Variants in APBB1IP observed in about 807,000 individuals in gnomAD.
APBB1IP encodes the protein amyloid beta precursor protein binding family B member 1 interacting protein.
In APBB1IP, 27 loss-of-function variants were observed where a neutral mutation model predicts 64.9. That is an observed-to-expected ratio of 0.42 (90% confidence interval 0.31 to 0.57). The LOEUF (loss-of-function observed/expected upper bound fraction) is 0.57, where lower values mean the gene tolerates loss of function less well. APBB1IP is among the 20% of genes least tolerant of loss of function. The probability of loss-of-function intolerance (pLI) is 0.20; values close to 1 mark genes in which losing one functional copy is unlikely to be tolerated. For missense variants in APBB1IP, 812 were observed against 845.5 expected (o/e 0.96, Z 0.49); for synonymous variants, 392 against 331.0 (o/e 1.18, Z -2.00).
intron 8 of APBB1IP, among the ~76,000 whole-genome samples, chr10:26,530,583 G>A (rs947134434): frequency 7.2e-5 from 11 of 151,874 alleles, no homozygotes; most frequent in African/African-American, 2.4e-4. Context: ...CCAGCTACTC[G>A]GGAGGCTGAG....
At chr10:26,440,993 C>T (rs1260336068) in intron 2 of APBB1IP, among the ~76,000 whole-genome samples, 2 of 152,112 alleles carry the variant, frequency 1.3e-5, no homozygotes, top group African/African-American at 2.4e-5. Context: ...AAATTGTCTG[C>T]GTTCCATAGC....
rs1836931685 is a variant in APBB1IP, at chr10:26,558,948, C to A, written c.1156-1157C>A. On this transcript the variant is annotated intron_variant, in intron 11 of 14. Coordinates refer to ENST00000376236, the MANE Select transcript of APBB1IP (RefSeq NM_019043.4). ...TGCTACTTGCACTAAGTGTAATAGA[C>A]AGAAATATTCCTTCTCCAGGGTGTC... 2.6e-5 allele frequency among the ~76,000 whole-genome samples: 4 copies of A among 152,150 alleles called. No individual in the cohort carries two copies. In the South Asian group the frequency reaches 8.3e-4, roughly 31 times the overall value.
intron 6 of APBB1IP, chr10:26,509,617 T>C (rs1476012387): frequency 6.6e-6 from 1 of 152,220 alleles, no homozygotes; most frequent in African/African-American, 2.4e-5. Context: ...CTGGTTGTAC[T>C]CTATCTCATC....
intron 11 of APBB1IP, among the ~76,000 whole-genome samples, chr10:26,555,992 C>T (rs1370534628): frequency 6.6e-6 from 1 of 152,160 alleles, no homozygotes; most frequent in Non-Finnish European, 1.5e-5. Flanking sequence ...CTTTCACTAC[C>T]TTTGGCCTTG....
At chr10:26,542,214 T>C (rs1281148343) in intron 11 of APBB1IP, among the ~76,000 whole-genome samples, 1 of 152,226 alleles carries the variant, frequency 6.6e-6, no homozygotes, top group Non-Finnish European at 1.5e-5. Flanking sequence ...TGGAGTGCAG[T>C]GGCTCAATCA....
chr10:26,519,544 G>C (rs1003000840), intron 8 of APBB1IP, among the ~76,000 whole-genome samples: 1 of 152,192 alleles, frequency 6.6e-6, no homozygotes, highest in Non-Finnish European at 1.5e-5. Context: ...GTGCTAAACT[G>C]TTAGAAATTG....
chr10:26,451,631 A>G (rs1361194518), intron 2 of APBB1IP, among the ~76,000 whole-genome samples: 1 of 152,136 alleles, frequency 6.6e-6, no homozygotes, highest in Non-Finnish European at 1.5e-5. Context: ...ATTACCTTAA[A>G]CCCTTTTTCA....
At position 26,503,289 on chromosome 10, in the gene APBB1IP, C is replaced by CCTTTTGCATGGGGGCAGTTCAATTAAGGA; in HGVS notation, c.531+17_531+45dup. The stretch of plus-strand genomic sequence containing the variant: ...AGGTTAAGAAGGTGAATCATGAATC[C>CCTTTTGCATGGGGGCAGTTCAATTAAGGA]CTTTTGCATGGGGGCAGTTCAATTA... On this transcript the variant is annotated intron_variant, in intron 6 of 14. Coordinates refer to ENST00000376236, the MANE Select transcript of APBB1IP (RefSeq NM_019043.4). 1.9e-6 allele frequency: 3 copies of CCTTTTGCATGGGGGCAGTTCAATTAAGGA among 1,613,424 alleles called. No individual in the cohort carries two copies. The highest frequency in any genetic ancestry group is 2.7e-5 in the African/African-American group (2 of 75,000).
At chr10:26,544,397 A>G (rs1231579180) in intron 11 of APBB1IP, among the ~76,000 whole-genome samples, 2 of 152,194 alleles carry the variant, frequency 1.3e-5, no homozygotes, top group Non-Finnish European at 2.9e-5. Flanking sequence ...GGCCCACTAA[A>G]TCAAAATAAT....
intron 2 of APBB1IP, among the ~76,000 whole-genome samples, chr10:26,451,243 G>A (rs1212257049): frequency 2.0e-5 from 3 of 152,128 alleles, no homozygotes; most frequent in South Asian, 4.1e-4. Context: ...TCACATTAGA[G>A]TTGCCTTCGT....
At chr10:26,441,327 A>G (rs1835335817) in intron 2 of APBB1IP, among the ~76,000 whole-genome samples, 1 of 152,208 alleles carries the variant, frequency 6.6e-6, no homozygotes, top group Non-Finnish European at 1.5e-5. Flanking sequence ...ACTTTTAGAG[A>G]AAACTGCTAG....
At chr10:26,516,304 A>G (rs1836326453) in intron 8 of APBB1IP, among the ~76,000 whole-genome samples, 1 of 152,062 alleles carries the variant, frequency 6.6e-6, no homozygotes, top group Non-Finnish European at 1.5e-5. Context: ...CCTGTAATCC[A>G]GCACTTTGGG....
At position 26,533,462 on chromosome 10, in the gene APBB1IP, A is replaced by G. The variant is rs761971748; in HGVS notation, c.837A>G (p.Gly279=). ...AGAATTTCTACTTGGATAACAGAGG[A>G]AAAAAAGAAAGCAAGGAAACTAATG... ...NPQNFYLDNR[G]KKESKETNEK... Residue 279 remains glycine (G), a synonymous_variant, in exon 9 of 15, where the codon GGA becomes GGG. Coordinates refer to ENST00000376236, the MANE Select transcript of APBB1IP (RefSeq NM_019043.4). 1.2e-5 allele frequency: 19 copies of G among 1,593,392 alleles called. No individual in the cohort carries two copies. The highest frequency in any genetic ancestry group is 1.5e-5 in the Non-Finnish European group (18 of 1,167,438).
intron 3 of APBB1IP, among the ~76,000 whole-genome samples, chr10:26,493,045 C>A (rs1204122834): frequency 6.6e-6 from 1 of 152,174 alleles, no homozygotes; most frequent in Admixed American, 6.5e-5. Flanking sequence ...GGAATGCATT[C>A]TTTTCCCAGG....
In APBB1IP at chr10:26,498,020, C is replaced by A. The variant is rs527900154; in HGVS notation, c.160+1629C>A. Reference sequence around the variant, plus strand: ...GGAATTACAGGTGTGAGCCATGGCACCCGACCAGGATTTCTTTGTTTCTAT... The same window carrying A: ...GGAATTACAGGTGTGAGCCATGGCAACCGACCAGGATTTCTTTGTTTCTAT... On this transcript the variant is annotated intron_variant, in intron 4 of 14. Transcript: ENST00000376236. Among the ~76,000 whole-genome samples the A allele has an allele frequency of 5.9e-5, 9 of 152,232 alleles. No homozygotes were observed. The South Asian group carries it at 1.5e-3, about 25-fold the overall frequency.
rs565875264 is a variant in APBB1IP, at chr10:26,506,149, G to T, written c.531+2875G>T. Among the ~76,000 whole-genome samples the T allele has an allele frequency of 4.0e-5, 6 of 151,040 alleles. No homozygotes were observed. The South Asian group carries it at 1.2e-3, about 31-fold the overall frequency. On this transcript the variant is annotated intron_variant, in intron 6 of 14. Coordinates refer to ENST00000376236, the MANE Select transcript of APBB1IP (RefSeq NM_019043.4). ...TTAAGTCTTTGGTCACCTTCCTAGC[G>T]AGGCCTTTCCTATCTAACACCACAT...
intron 2 of APBB1IP, among the ~76,000 whole-genome samples, chr10:26,476,405 C>T (rs1280879362): frequency 1.5e-5 from 2 of 135,740 alleles, no homozygotes; most frequent in Non-Finnish European, 3.0e-5. Context: ...TCTGATTGCA[C>T]CACTGCACTC....
At position 26,560,852 on chromosome 10, in the gene APBB1IP, G is replaced by A. The variant is rs1003106634; in HGVS notation, c.1369+8G>A. 6.4e-7 allele frequency: 1 copy of A among 1,573,588 alleles called. No individual in the cohort carries two copies. The highest frequency in any genetic ancestry group is 8.6e-7 in the Non-Finnish European group (1 of 1,160,918). On this transcript the variant is annotated splice_region_variant and intron_variant, in intron 13 of 14. Coordinates refer to ENST00000376236, the MANE Select transcript of APBB1IP (RefSeq NM_019043.4). ...CAGCTCAGCCATCTACAGGTACTAA[G>A]TGGAGGAGAAATTCCAACACATATT...
chr10:26,498,159 A>C (rs1449327838), intron 4 of APBB1IP, among the ~76,000 whole-genome samples: 2 of 152,248 alleles, frequency 1.3e-5, no homozygotes, highest in Non-Finnish European at 2.9e-5. Context: ...TTTGCCACAT[A>C]AATTTATTAT....
Sources: allele counts gnomAD v4.1 joint callset (sites outside exome capture counted in the v4.1 genomes callset), GRCh38; gene constraint gnomAD v4.1.1; transcripts MANE v1.5; gene names NCBI Gene and HGNC (gene_info 2026-07-23, HGNC 2026-07-21).